The following UGGT2 variants were observed in gnomAD, a reference collection of about 807,000 sequenced individuals.
The protein encoded by UGGT2 is UDP-glucose:glycoprotein glucosyltransferase 2.
A neutral mutation model predicts 192.1 loss-of-function variants in UGGT2; 180 were observed. The ratio of observed to expected loss-of-function variants is 0.94; its 90% confidence interval spans 0.83 to 1.06. The LOEUF (loss-of-function observed/expected upper bound fraction) is 1.06. Ranked by LOEUF, UGGT2 falls within the 50% of genes least tolerant of loss-of-function variation. UGGT2 has a pLI of 0.00. For synonymous variants in UGGT2, 580 were observed against 591.0 expected, an observed-to-expected ratio of 0.98 and a Z score of 0.27; for missense variants, 1,849 against 1,795.7, an observed-to-expected ratio of 1.03 and a Z score of -0.54.
At chr13:95,876,534 C>A (rs933660178) in intron 29 of UGGT2, among the ~76,000 whole-genome samples, 5 of 152,162 alleles carry the variant, frequency 3.3e-5, no homozygotes, top group Admixed American at 6.5e-5. Context: ...GCCTACCTGG[C>A]TTTGGGTTTT....
chr13:95,950,123 T>A (rs2050009528), intron 12 of UGGT2, among the ~76,000 whole-genome samples: 1 of 152,084 alleles, frequency 6.6e-6, no homozygotes, highest in South Asian at 2.1e-4. Flanking sequence ...GTGCTGAGAT[T>A]TGAGGGCAGG....
At chr13:95,814,065 A>T (rs1017082195) in intron 38 of UGGT2, among the ~76,000 whole-genome samples, 9 of 152,252 alleles carry the variant, frequency 5.9e-5, no homozygotes, top group African/African-American at 2.2e-4. Flanking sequence ...TCTAGGCAGA[A>T]GCCTGCTGCA....
intron 30 of UGGT2, among the ~76,000 whole-genome samples, chr13:95,864,626 A>G (rs1890476442): frequency 6.6e-6 from 1 of 152,190 alleles, no homozygotes; most frequent in African/African-American, 2.4e-5. Context: ...GGGGAGATAT[A>G]CAAATATGTC....
At chr13:95,912,073 G>C in intron 20 of UGGT2, among the ~76,000 whole-genome samples, 1 of 152,162 alleles carries the variant, frequency 6.6e-6, no homozygotes, top group Non-Finnish European at 1.5e-5. Flanking sequence ...ACTAGGTATT[G>C]ATGGAACATA....
chr13:96,032,885 G>A (rs778205199), intron 1 of UGGT2, among the ~76,000 whole-genome samples: 12 of 152,126 alleles, frequency 7.9e-5, no homozygotes, highest in Non-Finnish European at 1.2e-4. Context: ...ACATAAACAC[G>A]ACAAGCATAG....
At chr13:96,027,951 T>A (rs2052717482) in intron 2 of UGGT2, among the ~76,000 whole-genome samples, 1 of 152,226 alleles carries the variant, frequency 6.6e-6, no homozygotes, top group African/African-American at 2.4e-5. Flanking sequence ...TTTCATGATC[T>A]AATACTTTTA....
At chr13:96,043,350 A>G (rs2053218955) in intron 1 of UGGT2, among the ~76,000 whole-genome samples, 1 of 152,216 alleles carries the variant, frequency 6.6e-6, no homozygotes, top group South Asian at 2.1e-4. Flanking sequence ...CCAGCACCAC[A>G]AGAACTGCTA....
At chr13:95,903,792 CTAAA>C (rs935994274) in intron 20 of UGGT2, among the ~76,000 whole-genome samples, 4 of 152,066 alleles carry the variant, frequency 2.6e-5, no homozygotes, top group Non-Finnish European at 5.9e-5. Flanking sequence ...TCAGAAGATG[CTAAA>C]TAGTTTTTCA....
At chr13:95,975,600 G>T (rs7327257) in intron 10 of UGGT2, among the ~76,000 whole-genome samples, 8,118 of 152,076 alleles carry the variant, frequency 0.053, 346 homozygotes, top group East Asian at 0.14. Flanking sequence ...AGAAATATAA[G>T]CTCATTTTTC....
rs1884073840 is a variant in UGGT2, at chr13:95,801,881, A to G, written c.4529-69T>C. On this transcript the variant is annotated intron_variant, in intron 38 of 38. Transcript: ENST00000376747. ...TAAAAATATCTTAAATATTACTTAC[A>G]TATGATGAGGAAGCACCGGTACTGA... is the stretch of plus-strand genomic sequence containing the variant. 4 of 1,579,666 alleles carry G rather than the reference A, an allele frequency of 2.5e-6. No homozygotes were observed. The South Asian group carries it at 3.3e-5, about 13-fold the overall frequency.
rs1303475887 is a variant in UGGT2 at position 95,982,302 on chromosome 13, C to A, written c.1092+1502G>T. Among the ~76,000 whole-genome samples the A allele has an allele frequency of 2.0e-5, 3 of 152,196 alleles. No homozygotes were observed. In the East Asian group the frequency reaches 5.8e-4, roughly 29 times the overall value. Reference sequence around the variant, plus strand: ...AGCCTGTAAAATCGAGCTGCAGACACAGGCAAGCAAGCTAGAAGCTTGCAT... The same window carrying A: ...AGCCTGTAAAATCGAGCTGCAGACAAAGGCAAGCAAGCTAGAAGCTTGCAT... On this transcript the variant is annotated intron_variant, in intron 10 of 38. Coordinates refer to ENST00000376747, the MANE Select transcript of UGGT2 (RefSeq NM_020121.4).
chr13:95,814,863 T>TA (rs1377853931), intron 38 of UGGT2, among the ~76,000 whole-genome samples: 2 of 152,076 alleles, frequency 1.3e-5, no homozygotes, highest in African/African-American at 4.8e-5. Flanking sequence ...CAGCAATATA[T>TA]AAAAAGGATC....
intron 15 of UGGT2, among the ~76,000 whole-genome samples, chr13:95,940,420 A>AT (rs1361523242): frequency 7.4e-6 from 1 of 134,604 alleles, no homozygotes; most frequent in Non-Finnish European, 1.7e-5. Context: ...AAATGCTTTC[A>AT]TTTTTTATTG....
intron 7 of UGGT2, among the ~76,000 whole-genome samples, chr13:95,993,018 C>T (rs2051504171): frequency 6.6e-6 from 1 of 152,200 alleles, no homozygotes; most frequent in African/African-American, 2.4e-5. Flanking sequence ...TGCAATCAAC[C>T]CAGGTGCCAT....
At chr13:95,991,808 A>G (rs1209214739) in intron 7 of UGGT2, among the ~76,000 whole-genome samples, 1 of 152,184 alleles carries the variant, frequency 6.6e-6, no homozygotes, top group Non-Finnish European at 1.5e-5. Flanking sequence ...GGCAACATAT[A>G]TATTATTCAT....
chr13:95,916,225 C>A (rs550930537), intron 20 of UGGT2, among the ~76,000 whole-genome samples: 1 of 152,186 alleles, frequency 6.6e-6, no homozygotes, highest in Non-Finnish European at 1.5e-5. Flanking sequence ...TGTTTCACAG[C>A]CTTCACTGGT....
chr13:95,995,065 A>G (rs1392606927), intron 7 of UGGT2, among the ~76,000 whole-genome samples: 1 of 152,138 alleles, frequency 6.6e-6, no homozygotes. Context: ...AGTTGTATCT[A>G]ATGAAAAAAA....
At chr13:95,927,872 C>T (rs61972928) in intron 17 of UGGT2, among the ~76,000 whole-genome samples, 3 of 152,010 alleles carry the variant, frequency 2.0e-5, no homozygotes, top group Non-Finnish European at 2.9e-5. Context: ...TGACTCTTAA[C>T]GAACATGCTG....
chr13:96,037,560 T>C lies in UGGT2; in HGVS notation c.159-5589A>G, dbSNP rs918874349. 4.6e-5 allele frequency among the ~76,000 whole-genome samples: 7 copies of C among 152,226 alleles called. No homozygotes were observed. The East Asian group carries it at 5.8e-4, about 13-fold the overall frequency. The stretch of plus-strand genomic sequence containing the variant: ...ACATACCTTATTCATCTTTGTTTCC[T>C]ACATAAGACTATACTCAAGTTATGC... On this transcript the variant is annotated intron_variant, in intron 1 of 38. Transcript: ENST00000376747.
Sources: allele counts gnomAD v4.1 joint callset (sites outside exome capture counted in the v4.1 genomes callset), GRCh38; gene constraint gnomAD v4.1.1; transcripts MANE v1.5; gene names NCBI Gene and HGNC (gene_info 2026-07-23, HGNC 2026-07-21).